Variants in SLC6A2 observed in about 807,000 individuals in gnomAD.
SLC6A2 encodes the protein sodium-dependent noradrenaline transporter.
SLC6A2 carries 26 observed loss-of-function variants against 71.7 expected under a neutral mutation model. That is an observed-to-expected ratio of 0.36 (90% CI 0.27 to 0.50). The LOEUF (loss-of-function observed/expected upper bound fraction) is 0.50. SLC6A2 is among the 20% of genes least tolerant of loss of function. The probability of loss-of-function intolerance (pLI) is 0.96; values close to 1 mark genes in which losing one functional copy is unlikely to be tolerated. For missense variants in SLC6A2, 581 were observed against 803.9 expected (o/e 0.72, Z 3.35); for synonymous variants, 363 against 337.9 (o/e 1.07, Z -0.82).
intron 5 of SLC6A2, among the ~76,000 whole-genome samples, chr16:55,687,943 G>A (rs896659996): frequency 6.6e-6 from 1 of 152,172 alleles, no homozygotes; most frequent in African/African-American, 2.4e-5. Flanking sequence ...CACTAGGAAA[G>A]CCCCCATGTA....
At chr16:55,664,653 G>T (rs558770103) in intron 2 of SLC6A2, among the ~76,000 whole-genome samples, 1 of 152,322 alleles carries the variant, frequency 6.6e-6, no homozygotes, top group Non-Finnish European at 1.5e-5. Flanking sequence ...TGTCATCTCT[G>T]ATTATCACAG....
intron 2 of SLC6A2, among the ~76,000 whole-genome samples, chr16:55,663,997 G>A (rs1262094094): frequency 6.6e-6 from 1 of 152,114 alleles, no homozygotes; most frequent in Non-Finnish European, 1.5e-5. Flanking sequence ...TTCCCACTCA[G>A]CTTATTAGTA....
intron 2 of SLC6A2, among the ~76,000 whole-genome samples, chr16:55,660,874 G>C (rs2142486461): frequency 6.6e-6 from 1 of 152,342 alleles, no homozygotes; most frequent in East Asian, 1.9e-4. Context: ...GCCCAGAATG[G>C]AGGATATTTT....
chr16:55,661,583 A>T (rs1490031352), intron 2 of SLC6A2, among the ~76,000 whole-genome samples: 1 of 152,238 alleles, frequency 6.6e-6, no homozygotes, highest in Non-Finnish European at 1.5e-5. Context: ...TGATTTTGGA[A>T]GTAGCAGAAT....
In SLC6A2 at chr16:55,698,641, C is replaced by G. The variant is rs1965875219; in HGVS notation, c.1489+73C>G. On this transcript the variant is annotated intron_variant, in intron 11 of 14. Coordinates refer to ENST00000568943, the MANE Select transcript of SLC6A2 (RefSeq NM_001172501.3). ...CTGCACCTGGAGGTGTGCAGGGAGG[C>G]CTTCCATTTCCAGGACAGCCACCTA... 5 of 1,035,904 alleles carry G rather than the reference C, an allele frequency of 4.8e-6. No homozygotes were observed. In the Admixed American group the frequency reaches 6.9e-5, roughly 14 times the overall value. 64.2% of individuals were successfully genotyped at this position (1,035,904 alleles called of 1,614,324 possible). A position where few individuals can be genotyped will look rare whatever the true frequency, so the allele number is the denominator to read the frequency against.
intron 9 of SLC6A2, among the ~76,000 whole-genome samples, chr16:55,696,933 A>G (rs1166762518): frequency 3.3e-5 from 5 of 152,224 alleles, no homozygotes; most frequent in East Asian, 1.9e-4. Flanking sequence ...GCAGTGAGCT[A>G]TGATTATACC....
chr16:55,696,191 C>A, intron 8 of SLC6A2, 34 bp from the exon 9 acceptor site: 1 of 1,270,312 alleles, frequency 7.9e-7, no homozygotes, highest in Non-Finnish European at 1.2e-6. Flanking sequence ...CCAATGGTTT[C>A]AGCCATTGAT....
In SLC6A2 at chr16:55,703,784, GT is replaced by G; in HGVS notation, c.*1439del. On this transcript the variant is annotated 3_prime_UTR_variant, in exon 15 of 15. Transcript: ENST00000568943. ...AATAAAGAAGCCGCTGCATTCGCAC[GT>G]CAAGAAGGTGCTTTGCCTCAAATTG... 1.0e-6 allele frequency: 1 copy of G among 985,378 alleles called. No homozygotes were observed. The highest frequency in any genetic ancestry group is 1.2e-6 in the Non-Finnish European group (1 of 829,944). 61.0% of individuals were successfully genotyped at this position (985,378 alleles called of 1,614,324 possible). A position where few individuals can be genotyped will look rare whatever the true frequency, so the allele number is the denominator to read the frequency against.
chr16:55,700,422 C>A, intron 13 of SLC6A2, 116 bp downstream of exon 13: 1 of 839,260 alleles, frequency 1.2e-6, no homozygotes, highest in Non-Finnish European at 1.8e-6. Context: ...ACACTAGGGT[C>A]AAACGGACCC....
chr16:55,683,094 C>T (rs1274112157), intron 4 of SLC6A2, among the ~76,000 whole-genome samples: 1 of 152,136 alleles, frequency 6.6e-6, no homozygotes, highest in African/African-American at 2.4e-5. Context: ...CTTTGCCTTG[C>T]AAGGGTGCAG....
In SLC6A2 at chr16:55,656,802, G is replaced by C. The variant is rs971926789; in HGVS notation, c.108G>C (p.Val36=). 6.2e-7 allele frequency: 1 copy of C among 1,613,426 alleles called. No homozygotes were observed. The highest frequency in any genetic ancestry group is 8.5e-7 in the Non-Finnish European group (1 of 1,179,778). ...GCAAAACTGCGGAGCTGCTGGTGGT[G>C]AAGGAGCGCAACGGCGTCCAGTGCC... The part of the protein sequence containing the change: ...RARKTAELLV[V]KERNGVQCLL... Residue 36 remains valine, a synonymous_variant, in exon 2 of 15, where the codon GTG becomes GTC. Coordinates refer to ENST00000568943, the MANE Select transcript of SLC6A2 (RefSeq NM_001172501.3). This position sits in a 1 kb window ranked among gnomAD's most constrained non-coding sequence, Gnocchi z 4.5.
chr16:55,679,417 C>A (rs202008644), intron 4 of SLC6A2, among the ~76,000 whole-genome samples: 1 of 151,966 alleles, frequency 6.6e-6, no homozygotes, highest in African/African-American at 2.4e-5. Flanking sequence ...AGCAGAGAGG[C>A]GGTTTCACCA....
At chr16:55,699,515 TG>T in intron 11 of SLC6A2, 38 bp from the exon 12 acceptor site, 1 of 1,530,026 alleles carries the variant, frequency 6.5e-7, no homozygotes, top group Non-Finnish European at 9.1e-7. Context: ...CTGGCTATCA[TG>T]GGGGCCATGG....
chr16:55,693,447 A>G (rs1466052209), intron 6 of SLC6A2, among the ~76,000 whole-genome samples: 1 of 152,210 alleles, frequency 6.6e-6, no homozygotes, highest in Non-Finnish European at 1.5e-5. Context: ...GAGGAAACAG[A>G]CAGAGAGAAG....
chr16:55,665,895 TC>T (rs1964736642), intron 2 of SLC6A2, among the ~76,000 whole-genome samples: 1 of 152,234 alleles, frequency 6.6e-6, no homozygotes, highest in East Asian at 1.9e-4. Context: ...CTAATGCTTT[TC>T]TTACTAAATT....
chr16:55,657,891 G>A (rs560967862), intron 2 of SLC6A2, among the ~76,000 whole-genome samples: 84 of 152,344 alleles, frequency 5.5e-4, no homozygotes, highest in African/African-American at 1.8e-3. Flanking sequence ...CCACCCCCTA[G>A]CTCCTTCCTG....
In SLC6A2 at chr16:55,702,763, T is replaced by TAAAAA. The variant is rs1168510484; in HGVS notation, c.*421_*422insAAAAA. The TAAAAA allele has an allele frequency of 3.6e-5, 22 of 606,342 alleles. No homozygotes were observed. The highest frequency in any genetic ancestry group is 1.7e-4 in the Admixed American group (3 of 17,402). 37.6% of individuals were successfully genotyped at this position (606,342 alleles called of 1,614,324 possible). ...TACCCCTCCCAAAAAAAAAAAAAAC[T>TAAAAA]AAAACTAAAGCAAAAATCAAACAAA... is the stretch of plus-strand genomic sequence containing the variant. On this transcript the variant is annotated 3_prime_UTR_variant, in exon 15 of 15. Transcript: ENST00000568943.
chr16:55,660,880 A>C (rs535890604), intron 2 of SLC6A2, among the ~76,000 whole-genome samples: 1 of 152,320 alleles, frequency 6.6e-6, no homozygotes, highest in East Asian at 1.9e-4. Context: ...AATGGAGGAT[A>C]TTTTGAAATG....
intron 2 of SLC6A2, among the ~76,000 whole-genome samples, chr16:55,658,102 T>G (rs1425103548): frequency 6.6e-6 from 1 of 152,094 alleles, no homozygotes; most frequent in Non-Finnish European, 1.5e-5. Context: ...GGGCAAGAAT[T>G]TGGAGCTGGG....
Sources: gnomAD v4.1 joint callset for allele counts (sites outside exome capture counted in the v4.1 genomes callset) on GRCh38, gnomAD v4.1.1 for gene constraint, Gnocchi (gnomAD v3.1) non-coding constraint, MANE v1.5 for transcripts, NCBI Gene and HGNC (gene_info 2026-07-23, HGNC 2026-07-21) for gene names.